Variants in TAFA1 observed in about 807,000 individuals in gnomAD.
TAFA1 encodes TAFA chemokine like family member 1.
Under a neutral mutation model 18.5 loss-of-function variants are expected in TAFA1, and 4 were observed. The ratio of observed to expected loss-of-function variants is 0.22; its 90% CI spans 0.11 to 0.49. The LOEUF is 0.49. Among genes scored for constraint, TAFA1 ranks in the 20% least tolerant of loss-of-function variants. The pLI is 0.98. For missense variants in TAFA1, 147 were observed against 169.0 expected (o/e 0.87, Z 0.72); for synonymous variants, 56 against 55.2 (o/e 1.01, Z -0.06).
chr3:68,223,482 A>G lies in TAFA1; in HGVS notation c.119-193798A>G, dbSNP rs373823976. 9.9e-5 allele frequency among the ~76,000 whole-genome samples: 15 copies of G among 152,216 alleles called. No homozygotes were observed. The South Asian group carries it at 1.4e-3, about 15-fold the overall frequency. ...TTTTTTTCAGAATATGTGTGTGTGT[A>G]TATATGTATGTATGTGTCTACGCCT... On this transcript the variant is annotated intron_variant, in intron 2 of 4. Coordinates refer to ENST00000478136, the MANE Select transcript of TAFA1 (RefSeq NM_213609.4).
At chr3:68,378,427 A>G (rs1265809093) in intron 2 of TAFA1, among the ~76,000 whole-genome samples, 4 of 152,148 alleles carry the variant, frequency 2.6e-5, no homozygotes, top group Non-Finnish European at 5.9e-5. Context: ...GCATTTACCC[A>G]ATGCCTGTAA....
chr3:68,430,340 A>G (rs1003555167), intron 3 of TAFA1, among the ~76,000 whole-genome samples: 2 of 152,016 alleles, frequency 1.3e-5, no homozygotes, highest in Non-Finnish European at 2.9e-5. Flanking sequence ...AGAGAAAGCC[A>G]TGGTGGTGGA....
intron 2 of TAFA1, among the ~76,000 whole-genome samples, chr3:68,084,420 G>T (rs945472430): frequency 3.9e-5 from 6 of 152,092 alleles, no homozygotes; most frequent in Non-Finnish European, 5.9e-5. Flanking sequence ...CTTGTGCTTG[G>T]AAGATCAGTC....
At chr3:68,242,740 G>T (rs550452432) in intron 2 of TAFA1, among the ~76,000 whole-genome samples, 3 of 152,206 alleles carry the variant, frequency 2.0e-5, no homozygotes, top group Non-Finnish European at 4.4e-5. Flanking sequence ...TCATTTTGAT[G>T]TAGACTACAT....
chr3:68,191,682 G>C (rs1370604046), intron 2 of TAFA1, among the ~76,000 whole-genome samples: 1 of 151,688 alleles, frequency 6.6e-6, no homozygotes, highest in African/African-American at 2.4e-5. Context: ...AAGAAAGGGA[G>C]ATAAGACTTT....
chr3:68,368,737 T>C (rs2069621808), intron 2 of TAFA1, among the ~76,000 whole-genome samples: 1 of 151,880 alleles, frequency 6.6e-6, no homozygotes, highest in Admixed American at 6.6e-5. Context: ...ATCCATTTCA[T>C]CTCTGCCACC....
At chr3:68,034,135 A>T (rs74434645) in intron 2 of TAFA1, among the ~76,000 whole-genome samples, 147,414 of 152,258 alleles carry the variant, frequency 0.97, 71,388 homozygotes, top group African/African-American at 0.99. Flanking sequence ...CATGACCTAA[A>T]TTATAGATTA....
intron 2 of TAFA1, among the ~76,000 whole-genome samples, chr3:68,247,109 ACT>A (rs369884858): frequency 1.3e-5 from 2 of 151,962 alleles, no homozygotes; most frequent in Non-Finnish European, 2.9e-5. Flanking sequence ...CTATATACTG[ACT>A]CTCTATCCTC....
chr3:68,428,130 A>T (rs1400712144), intron 3 of TAFA1, among the ~76,000 whole-genome samples: 1 of 151,946 alleles, frequency 6.6e-6, no homozygotes, highest in Non-Finnish European at 1.5e-5. Context: ...ATTCAGATTT[A>T]AAATTGAAGA....
intron 2 of TAFA1, among the ~76,000 whole-genome samples, chr3:68,208,632 G>T (rs991658841): frequency 3.3e-5 from 5 of 151,916 alleles, no homozygotes; most frequent in Non-Finnish European, 7.4e-5. Context: ...AGAAAGTAAG[G>T]CCAGTTGGCC....
At chr3:68,269,115 C>G (rs1174874059) in intron 2 of TAFA1, among the ~76,000 whole-genome samples, 1 of 152,092 alleles carries the variant, frequency 6.6e-6, no homozygotes, top group Admixed American at 6.6e-5. Context: ...GGCTAATTCT[C>G]CCAAATTGTA....
At chr3:68,542,919 T>G (rs535521528) in intron 4 of TAFA1, among the ~76,000 whole-genome samples, 2 of 152,218 alleles carry the variant, frequency 1.3e-5, no homozygotes, top group East Asian at 3.9e-4. Context: ...TTGTCTCAGG[T>G]GAGCAGGGGG....
At chr3:68,472,153 CAT>C (rs1291552773) in intron 3 of TAFA1, among the ~76,000 whole-genome samples, 1 of 152,122 alleles carries the variant, frequency 6.6e-6, no homozygotes. Context: ...ATAATCCCCA[CAT>C]GTCAAGGGTG....
intron 2 of TAFA1, among the ~76,000 whole-genome samples, chr3:68,308,273 T>C (rs2068455532): frequency 6.6e-6 from 1 of 152,198 alleles, no homozygotes; most frequent in South Asian, 2.1e-4. Flanking sequence ...ATTAAAATGC[T>C]ATCACCCCTG....
chr3:68,447,354 G>C (rs968904958), intron 3 of TAFA1, among the ~76,000 whole-genome samples: 5 of 152,166 alleles, frequency 3.3e-5, no homozygotes, highest in African/African-American at 1.2e-4. Context: ...TTGACTGGCT[G>C]TCTAAAAACC....
At chr3:68,444,908 G>A (rs1367135474) in intron 3 of TAFA1, among the ~76,000 whole-genome samples, 1 of 151,020 alleles carries the variant, frequency 6.6e-6, no homozygotes, top group African/African-American at 2.4e-5. Context: ...TATTCCTTCT[G>A]AATGCCACAT....
chr3:68,469,750 T>C (rs1559682505), intron 3 of TAFA1, among the ~76,000 whole-genome samples: 2 of 152,194 alleles, frequency 1.3e-5, no homozygotes, highest in Non-Finnish European at 2.9e-5. Context: ...GTCAGACCAC[T>C]GGCTTTGATG....
intron 2 of TAFA1, among the ~76,000 whole-genome samples, chr3:68,310,516 A>C (rs760761392): frequency 4.6e-5 from 7 of 152,174 alleles, no homozygotes; most frequent in Non-Finnish European, 8.8e-5. Flanking sequence ...GTAAATTTCC[A>C]ATTTATAGTT....
At chr3:68,472,111 G>T (rs187664173) in intron 3 of TAFA1, among the ~76,000 whole-genome samples, 2 of 151,886 alleles carry the variant, frequency 1.3e-5, no homozygotes, top group African/African-American at 4.9e-5. Flanking sequence ...TGGTTTGACT[G>T]TGTCCCCACC....
Sources: gnomAD v4.1 joint callset for allele counts (sites outside exome capture counted in the v4.1 genomes callset) on GRCh38, gnomAD v4.1.1 for gene constraint, MANE v1.5 for transcripts, NCBI Gene and HGNC (gene_info 2026-07-23, HGNC 2026-07-21) for gene names.